Variants in KIF1B observed in about 807,000 individuals in gnomAD.
The protein encoded by KIF1B is kinesin family member 1B, also known as kinesin-like protein KIF1B.
In KIF1B, 76 loss-of-function variants were observed where a neutral mutation model predicts 241.9. The observed-to-expected ratio is 0.31, with a 90% CI of 0.26 to 0.38. The LOEUF is 0.38. Ranked by LOEUF, KIF1B falls within the 10% of genes least tolerant of loss-of-function variation. The pLI, the probability that KIF1B is intolerant of heterozygous loss-of-function variation, is 1.00. For synonymous variants in KIF1B, 750 were observed against 796.7 expected (o/e 0.94, Z 0.99); for missense variants, 1,622 against 2,271.4 (o/e 0.71, Z 5.81).
chr1:10,282,444 A>G lies in KIF1B; in HGVS notation c.1345A>G (p.Ser449Gly), dbSNP rs544551317. The change falls in exon 15 of 49, where the codon AGT (serine) becomes GGT (glycine). Residue 449 changes from serine (S) to glycine (G), a missense_variant. Around this residue, in one of 7 missense-constraint regions of KIF1B, gnomAD observed 201 missense variants for 301.2 expected, o/e 0.67. Coordinates refer to ENST00000676179, the MANE Select transcript of KIF1B (RefSeq NM_001365951.3). Reference protein sequence around the residue: ...LTSSPSSCSLSSQVGLTSVTS... With the variant: ...LTSSPSSCSLGSQVGLTSVTS... ...TTCATCCCCATCTTCCTGCTCACTC[A>G]GTAGTCAGGTGGGCTTGACGTCTGT... The G allele has an allele frequency of 1.9e-6, 3 of 1,614,186 alleles. No individual in the cohort carries two copies. Among genetic ancestry groups the G allele is most frequent in the African/African-American group, 2.7e-5 (2 of 75,052 alleles).
At chr1:10,350,117 C>T (rs1304863246) in intron 37 of KIF1B, among the ~76,000 whole-genome samples, 7 of 151,536 alleles carry the variant, frequency 4.6e-5, no homozygotes, top group Admixed American at 2.6e-4. Flanking sequence ...GGTGAAACCC[C>T]GTCTCTACTA....
Position 10,361,018 on chromosome 1 carries a change from A to G in KIF1B, c.4145A>G (p.Tyr1382Cys). The part of the protein sequence containing the change: ...NRVTPYGEKI[Y>C]MTLSAYLELD... ...GTGACACCCTATGGAGAAAAGATCT[A>G]CATGACCTTGTCGGCCTACCTAGAG... The change falls in exon 39 of 49, where the codon TAC becomes TGC. Residue 1382 changes from tyrosine (Y) to cysteine (C), a missense_variant. By Grantham distance (194) the Tyr-to-Cys change is radical. Coordinates refer to ENST00000676179, the MANE Select transcript of KIF1B (RefSeq NM_001365951.3). 1 of 1,613,344 alleles carries G rather than the reference A, an allele frequency of 6.2e-7. No individual in the cohort carries two copies. The highest frequency in any genetic ancestry group is 8.5e-7 in the Non-Finnish European group (1 of 1,179,262).
At chr1:10,212,915 T>TATAC (rs1557638390) in intron 1 of KIF1B, among the ~76,000 whole-genome samples, 1 of 121,674 alleles carries the variant, frequency 8.2e-6, no homozygotes, top group East Asian at 2.2e-4. Context: ...TATATATATA[T>TATAC]ATATATATAT....
chr1:10,262,095 A>G lies in KIF1B; in HGVS notation c.429+125A>G, dbSNP rs4846210. ...ACCATTCCTTCATTTTTGTCCTTTC[A>G]GGCTATTTCTGGGTTTTGGGTATAA... On this transcript the variant is annotated intron_variant, in intron 5 of 48. Coordinates refer to ENST00000676179, the MANE Select transcript of KIF1B (RefSeq NM_001365951.3). 206,531 of 760,448 alleles carry G rather than the reference A, an allele frequency of 0.27. 29,624 individuals carry two copies. Among genetic ancestry groups the G allele is most frequent in the Admixed American group, 0.33 (16,203 of 49,838 alleles). The allele number at this position is 760,448 out of a possible 1,614,324, so 47.1% of individuals were successfully genotyped here. A position where few individuals can be genotyped will look rare whatever the true frequency, so the allele number is the denominator to read the frequency against.
intron 4 of KIF1B, among the ~76,000 whole-genome samples, chr1:10,260,139 C>A (rs1276797717): frequency 6.6e-6 from 1 of 152,166 alleles, no homozygotes; most frequent in Non-Finnish European, 1.5e-5. Flanking sequence ...CTGCTCCACA[C>A]CTAGACTGCG....
chr1:10,367,093 T>C (rs1040294067), intron 43 of KIF1B, among the ~76,000 whole-genome samples: 2 of 152,060 alleles, frequency 1.3e-5, no homozygotes, highest in African/African-American at 4.8e-5. Flanking sequence ...ATAAAAGCTT[T>C]TTAAAATTTT....
chr1:10,307,288 G>A, intron 22 of KIF1B: 1 of 1,017,056 alleles, frequency 9.8e-7, no homozygotes, highest in Non-Finnish European at 1.2e-6. Context: ...CTCTTGGTAT[G>A]GCCCATATTA....
intron 15 of KIF1B, 39 bp downstream of exon 15, chr1:10,282,572 T>C (rs1204397033): frequency 1.3e-6 from 2 of 1,488,808 alleles, no homozygotes; most frequent in East Asian, 4.5e-5. Flanking sequence ...GTATTCTATG[T>C]AGCTCCACAA....
chr1:10,363,553 T>C (rs559099694), intron 41 of KIF1B, among the ~76,000 whole-genome samples: 4 of 152,056 alleles, frequency 2.6e-5, no homozygotes, highest in African/African-American at 9.6e-5. Flanking sequence ...ATTAGCCAGG[T>C]GTGGTGGCGC....
chr1:10,248,326 A>T (rs572044627), intron 2 of KIF1B, among the ~76,000 whole-genome samples: 1 of 152,106 alleles, frequency 6.6e-6, no homozygotes, highest in African/African-American at 2.4e-5. Context: ...CAGCTTCCTG[A>T]ATAACTGGGA....
chr1:10,250,620 T>C (rs1557664764), intron 2 of KIF1B, among the ~76,000 whole-genome samples: 1 of 151,820 alleles, frequency 6.6e-6, no homozygotes, highest in Admixed American at 6.6e-5. Flanking sequence ...GAGCCAAGAG[T>C]CTCAGTCCAG....
chr1:10,358,057 C>G (rs1033348916), intron 38 of KIF1B, among the ~76,000 whole-genome samples: 3 of 149,184 alleles, frequency 2.0e-5, no homozygotes, highest in African/African-American at 7.4e-5. Context: ...TGAATTACCA[C>G]CTTTGGTGGG....
intron 1 of KIF1B, among the ~76,000 whole-genome samples, chr1:10,231,399 T>TA: frequency 6.7e-6 from 1 of 148,740 alleles, no homozygotes; most frequent in Admixed American, 6.7e-5. Flanking sequence ...TTTTTTTTTT[T>TA]TTGTGAGATG....
intron 38 of KIF1B, among the ~76,000 whole-genome samples, chr1:10,358,399 G>A (rs1638318443): frequency 6.6e-6 from 1 of 152,178 alleles, no homozygotes; most frequent in Admixed American, 6.5e-5. Flanking sequence ...AATGAAGGCA[G>A]CAGCATTGAT....
In KIF1B at chr1:10,303,708, C is replaced by T. The variant is rs549597238; in HGVS notation, c.2115+6462C>T. 20 of 1,613,970 alleles carry T rather than the reference C, an allele frequency of 1.2e-5. No individual in the cohort carries two copies. Among genetic ancestry groups the T allele is most frequent in the East Asian group, 4.5e-5 (2 of 44,874 alleles). On this transcript the variant is annotated intron_variant, in intron 22 of 48. Coordinates refer to ENST00000676179, the MANE Select transcript of KIF1B (RefSeq NM_001365951.3). This position sits in a 1 kb window ranked among gnomAD's most constrained non-coding sequence, Gnocchi z 5.2. ...TCAAAAAGCAAAATAACATGAAAGA[C>T]GAGGAGATAAAAGTCTTAAGAAATA...
intron 27 of KIF1B, among the ~76,000 whole-genome samples, chr1:10,332,517 T>C (rs866949586): frequency 3.4e-4 from 41 of 121,040 alleles, no homozygotes; most frequent in African/African-American, 1.3e-3. Flanking sequence ...TTTTTTTTTT[T>C]TTTTTTTTTT....
Position 10,334,619 on chromosome 1 carries a change from G to A in KIF1B, c.3024G>A (p.Val1008=), listed in dbSNP as rs1306635496. ...EKGEVRGFLR[V]AVQAIAADEE... is the part of the protein sequence containing the mutation. ...GTGAAGTGCGGGGATTTCTGCGTGT[G>A]GCTGTACAGGCCATCGCAGGTAGGT... Residue 1008 remains valine (V), a synonymous_variant, in exon 28 of 49, where the codon GTG becomes GTA. Transcript: ENST00000676179. The A allele has an allele frequency of 6.2e-7, 1 of 1,613,596 alleles. No homozygotes were observed. Among genetic ancestry groups the A allele is most frequent in the South Asian group, 1.1e-5 (1 of 91,022 alleles).
rs965242178 is a variant in KIF1B at position 10,276,460 on chromosome 1, A to C, written c.1037+61A>C. 4 of 1,121,352 alleles carry C rather than the reference A, an allele frequency of 3.6e-6. No homozygotes were observed. The African/African-American group carries it at 6.1e-5, about 17-fold the overall frequency. 69.5% of individuals were successfully genotyped at this position (1,121,352 alleles called of 1,614,324 possible). A position where few individuals can be genotyped will look rare whatever the true frequency, so the allele number is the denominator to read the frequency against. On this transcript the variant is annotated intron_variant, in intron 12 of 48. Coordinates refer to ENST00000676179, the MANE Select transcript of KIF1B (RefSeq NM_001365951.3). The stretch of plus-strand genomic sequence containing the variant: ...CATTGCCATCAGAAGCCATTTTGTG[A>C]TACCATGGATGTTTTTATGCTATCT...
At position 10,312,368 on chromosome 1, in the gene KIF1B, C is replaced by T. The variant is rs564566987; in HGVS notation, c.2116-7675C>T. On this transcript the variant is annotated intron_variant, in intron 22 of 48. Coordinates refer to ENST00000676179, the MANE Select transcript of KIF1B (RefSeq NM_001365951.3). ...TGGTCCAAGCCACCACAGTGCTGGACAGTGCTGTGACAGCCTCATGACCAT... is the reference window on the plus strand; with the variant it reads ...TGGTCCAAGCCACCACAGTGCTGGATAGTGCTGTGACAGCCTCATGACCAT... Among the ~76,000 whole-genome samples, 4 of 151,626 alleles carry T rather than the reference C, an allele frequency of 2.6e-5. No individual in the cohort carries two copies. The South Asian group carries it at 6.2e-4, about 24-fold the overall frequency.
Sources: gnomAD v4.1 joint callset for allele counts (sites outside exome capture counted in the v4.1 genomes callset) on GRCh38, gnomAD v4.1.1 for gene constraint, gnomAD v4.1.1 regional missense constraint, Gnocchi (gnomAD v3.1) non-coding constraint, MANE v1.5 for transcripts, NCBI Gene and HGNC (gene_info 2026-07-23, HGNC 2026-07-21) for gene names.